Variants in NALF1 observed in about 807,000 individuals in gnomAD.
NALF1 encodes family with sequence similarity 155 member A.
Under a neutral mutation model 48.4 loss-of-function variants are expected in NALF1, and 3 were observed. The ratio of observed to expected loss-of-function variants is 0.06; its 90% CI spans 0.03 to 0.16. NALF1 has a LOEUF of 0.16. NALF1 is among the 10% of genes least tolerant of loss of function. The probability of loss-of-function intolerance (pLI) is 1.00; values close to 1 mark genes in which losing one functional copy is unlikely to be tolerated. For synonymous variants in NALF1, 262 were observed against 245.7 expected (o/e 1.07, Z -0.62); for missense variants, 526 against 571.5 (o/e 0.92, Z 0.81).
chr13:107,618,167 ACT>A (rs1376981378), intron 1 of NALF1, among the ~76,000 whole-genome samples: 1 of 152,062 alleles, frequency 6.6e-6, no homozygotes, highest in African/African-American at 2.4e-5. Context: ...GCTGGAAAAA[ACT>A]CTGTTGGAAG....
intron 1 of NALF1, among the ~76,000 whole-genome samples, chr13:107,763,200 T>C (rs1215797224): frequency 6.6e-6 from 1 of 151,750 alleles, no homozygotes; most frequent in Admixed American, 6.6e-5. Context: ...AATGAGAAAA[T>C]CAATATCCCC....
intron 2 of NALF1, among the ~76,000 whole-genome samples, chr13:107,202,368 TG>T (rs1452168443): frequency 1.5e-4 from 22 of 149,178 alleles, no homozygotes; most frequent in African/African-American, 4.9e-4. Flanking sequence ...TATGTTGATA[TG>T]GTATAGATAT....
intron 1 of NALF1, among the ~76,000 whole-genome samples, chr13:107,380,175 G>C (rs1216801075): frequency 7.2e-5 from 11 of 151,972 alleles, no homozygotes; most frequent in Admixed American, 7.2e-4. Context: ...TGGCATTTCT[G>C]AATCCTTAAC....
At chr13:107,714,006 G>A (rs1412093510) in intron 1 of NALF1, among the ~76,000 whole-genome samples, 1 of 152,196 alleles carries the variant, frequency 6.6e-6, no homozygotes, top group African/African-American at 2.4e-5. Context: ...CTCATGAGAA[G>A]CCTCGGATGT....
chr13:107,370,524 G>A (rs757833266), intron 1 of NALF1, among the ~76,000 whole-genome samples: 2 of 152,186 alleles, frequency 1.3e-5, no homozygotes, highest in Non-Finnish European at 2.9e-5. Flanking sequence ...TTCAGTTAAT[G>A]AGGCTTAAAC....
intron 1 of NALF1, among the ~76,000 whole-genome samples, chr13:107,652,628 C>T (rs938185615): frequency 3.9e-5 from 6 of 152,114 alleles, no homozygotes; most frequent in African/African-American, 1.4e-4. Flanking sequence ...CCCCAAATCT[C>T]AAACCATTAC....
In NALF1 at chr13:107,495,181, G is replaced by C. The variant is rs914226281; in HGVS notation, c.916-284426C>G. Among the ~76,000 whole-genome samples, 9 of 152,180 alleles carry C rather than the reference G, an allele frequency of 5.9e-5. No individual in the cohort carries two copies. In the East Asian group the frequency reaches 1.7e-3, roughly 29 times the overall value. On this transcript the variant is annotated intron_variant, in intron 1 of 2. Transcript: ENST00000375915. ...AACAAAAGGGAAAATTTTGACAACA[G>C]ATGTGTTGGCCTATATAGTGTAGAG...
At chr13:107,425,177 A>C (rs1425272786) in intron 1 of NALF1, among the ~76,000 whole-genome samples, 1 of 152,182 alleles carries the variant, frequency 6.6e-6, no homozygotes, top group African/African-American at 2.4e-5. Flanking sequence ...TCCCTCGCCA[A>C]AGGTGAAGTT....
chr13:107,185,216 G>A (rs1266624253), intron 2 of NALF1, among the ~76,000 whole-genome samples: 1 of 152,104 alleles, frequency 6.6e-6, no homozygotes, highest in Non-Finnish European at 1.5e-5. Flanking sequence ...TTGACCTCAG[G>A]CTTCTAGCCC....
At chr13:107,428,033 G>A (rs1212955319) in intron 1 of NALF1, among the ~76,000 whole-genome samples, 2 of 152,152 alleles carry the variant, frequency 1.3e-5, no homozygotes, top group East Asian at 3.9e-4. Flanking sequence ...ACAGAATTTT[G>A]AGGGAAGAAG....
chr13:107,834,706 G>A (rs9555418), intron 1 of NALF1, among the ~76,000 whole-genome samples: 11,919 of 152,146 alleles, frequency 0.078, 537 homozygotes, highest in East Asian at 0.15. Flanking sequence ...GATAAAGAAC[G>A]TTCTCCAGAA....
chr13:107,694,557 A>G (rs1397343093), intron 1 of NALF1, among the ~76,000 whole-genome samples: 2 of 152,168 alleles, frequency 1.3e-5, no homozygotes, highest in South Asian at 2.1e-4. Flanking sequence ...ACCCCACAAA[A>G]AAGTATTTAG....
chr13:107,252,521 A>C (rs1880724530), intron 1 of NALF1, among the ~76,000 whole-genome samples: 2 of 152,006 alleles, frequency 1.3e-5, no homozygotes, highest in African/African-American at 4.8e-5. Context: ...AAAAGAAAGA[A>C]GGAGACAGAA....
At chr13:107,193,421 C>A (rs1879322898) in intron 2 of NALF1, among the ~76,000 whole-genome samples, 1 of 152,072 alleles carries the variant, frequency 6.6e-6, no homozygotes, top group Admixed American at 6.6e-5. Flanking sequence ...ATGGTTTGGG[C>A]TTTACTTAGC....
intron 2 of NALF1, among the ~76,000 whole-genome samples, chr13:107,173,656 C>T (rs897796212): frequency 6.6e-6 from 1 of 152,154 alleles, no homozygotes; most frequent in Non-Finnish European, 1.5e-5. Flanking sequence ...GTGCCTCGTC[C>T]CCTTCTTTCT....
At chr13:107,580,452 G>A (rs7327101) in intron 1 of NALF1, among the ~76,000 whole-genome samples, 12,239 of 152,018 alleles carry the variant, frequency 0.081, 789 homozygotes, top group Admixed American at 0.15. Context: ...CATGTGTCAA[G>A]CCCAATGGCA....
chr13:107,590,344 G>A (rs1878571488), intron 1 of NALF1, among the ~76,000 whole-genome samples: 2 of 151,962 alleles, frequency 1.3e-5, no homozygotes, highest in South Asian at 4.1e-4. Context: ...AGAAGAAAAT[G>A]CAATTTACGA....
At chr13:107,248,799 T>C (rs1594088557) in intron 1 of NALF1, among the ~76,000 whole-genome samples, 4 of 151,746 alleles carry the variant, frequency 2.6e-5, no homozygotes, top group South Asian at 2.1e-4. Context: ...TTTGAGTATA[T>C]GGATTAAGGT....
At chr13:107,429,369 T>G (rs1884336322) in intron 1 of NALF1, among the ~76,000 whole-genome samples, 1 of 151,900 alleles carries the variant, frequency 6.6e-6, no homozygotes, top group African/African-American at 2.4e-5. Flanking sequence ...TTCCATGTGT[T>G]TATTATGCTG....
Sources: allele counts gnomAD v4.1 joint callset (sites outside exome capture counted in the v4.1 genomes callset), GRCh38; gene constraint gnomAD v4.1.1; transcripts MANE v1.5; gene names NCBI Gene and HGNC (gene_info 2026-07-23, HGNC 2026-07-21).